TBX4: variants seen among roughly 807,000 people sequenced by gnomAD.
TBX4 encodes the protein T-box transcription factor TBX4.
In TBX4, 13 loss-of-function variants were observed where a neutral mutation model predicts 54.6. The observed-to-expected ratio is 0.24, with a 90% CI of 0.15 to 0.38. The LOEUF (loss-of-function observed/expected upper bound fraction) is 0.38. Among genes scored for constraint, TBX4 ranks in the 10% least tolerant of loss-of-function variants. TBX4 has a pLI of 1.00. For synonymous variants in TBX4, 314 were observed against 306.7 expected, an observed-to-expected ratio of 1.02 and a Z score of -0.25; for missense variants, 631 against 728.5, an observed-to-expected ratio of 0.87 and a Z score of 1.54.
Position 61,465,813 on chromosome 17 carries a change from C to T in TBX4, c.282-6C>T. Reference sequence around the variant, plus strand: ...CACGCTCCGCCTCACCCCTCGGCTCCCCCAGGAGGATGTTCCCCAGCTACA... The same window carrying T: ...CACGCTCCGCCTCACCCCTCGGCTCTCCCAGGAGGATGTTCCCCAGCTACA... On this transcript the variant is annotated splice_region_variant and splice_polypyrimidine_tract_variant and intron_variant, in intron 3 of 8. Coordinates refer to ENST00000644296, the MANE Select transcript of TBX4 (RefSeq NM_001321120.2). This position sits in a 1 kb window ranked among gnomAD's most constrained non-coding sequence, Gnocchi z 4.9. 1.2e-6 allele frequency: 2 copies of T among 1,613,992 alleles called. No individual in the cohort carries two copies. The highest frequency in any genetic ancestry group is 1.1e-5 in the South Asian group (1 of 91,082).
In TBX4 at chr17:61,461,792, T is replaced by A. The variant is rs915116820; in HGVS notation, c.282-4027T>A. On this transcript the variant is annotated intron_variant, in intron 3 of 8. Coordinates refer to ENST00000644296, the MANE Select transcript of TBX4 (RefSeq NM_001321120.2). This position sits in a 1 kb window ranked among gnomAD's most constrained non-coding sequence, Gnocchi z 5.1. ...CCACCTTTGAAACCGCTCTCTAGAC[T>A]TCTGACCCCTTCTGGCTGGTGTTCC... Among the ~76,000 whole-genome samples the A allele has an allele frequency of 6.6e-6, 1 of 152,080 alleles. No individual in the cohort carries two copies. Among genetic ancestry groups the A allele is most frequent in the Non-Finnish European group, 1.5e-5 (1 of 68,010 alleles).
rs1021455198 is a variant in TBX4, at chr17:61,475,795, C to T, written c.550-2832C>T. On this transcript the variant is annotated intron_variant, in intron 5 of 8. Transcript: ENST00000644296. The surrounding 1 kb of genome is among the most constrained non-coding windows in gnomAD (Gnocchi z 5.0). ...TGGCTCTGTCCTGGGTTCTCTCAGCCCACGGTCTTTGTTCTCCCTTTGCGC... is the reference window on the plus strand; with the variant it reads ...TGGCTCTGTCCTGGGTTCTCTCAGCTCACGGTCTTTGTTCTCCCTTTGCGC... Among the ~76,000 whole-genome samples the T allele has an allele frequency of 1.3e-5, 2 of 152,042 alleles. No individual in the cohort carries two copies. Among genetic ancestry groups the T allele is most frequent in the Non-Finnish European group, 1.5e-5 (1 of 68,012 alleles).
chr17:61,455,303 G>A (rs1222384879), intron 1 of TBX4, among the ~76,000 whole-genome samples: 1 of 152,248 alleles, frequency 6.6e-6, no homozygotes, highest in Non-Finnish European at 1.5e-5. Flanking sequence ...GGCCCGGGGA[G>A]AGCGGGAAGA....
chr17:61,482,771 G>A (rs567458138), intron 8 of TBX4, 126 bp from the exon 9 acceptor site: 2 of 1,393,378 alleles, frequency 1.4e-6, no homozygotes, highest in Non-Finnish European at 2.0e-6. Flanking sequence ...GGCTCTGGGA[G>A]TGCCATGGCA....
intron 5 of TBX4, among the ~76,000 whole-genome samples, chr17:61,469,545 G>A (rs1002222555): frequency 6.6e-6 from 1 of 152,220 alleles, no homozygotes; most frequent in African/African-American, 2.4e-5. Context: ...AGTACTTGCA[G>A]TTTATTGGCT....
rs1233193076 is a variant in TBX4 at position 61,479,419 on chromosome 17, G to A, written c.703-462G>A. On this transcript the variant is annotated intron_variant, in intron 6 of 8. Coordinates refer to ENST00000644296, the MANE Select transcript of TBX4 (RefSeq NM_001321120.2). The surrounding 1 kb of genome is among the most constrained non-coding windows in gnomAD (Gnocchi z 6.1). ...GCTGTGGTGGATTTTAGGCAGAAGA[G>A]TGACAGAGTCGGAACTGCATCTAGA... is the stretch of plus-strand genomic sequence containing the variant. Among the ~76,000 whole-genome samples the A allele has an allele frequency of 6.6e-6, 1 of 152,234 alleles. No homozygotes were observed. Among genetic ancestry groups the A allele is most frequent in the Non-Finnish European group, 1.5e-5 (1 of 68,044 alleles).
chr17:61,481,879 G>A lies in TBX4; in HGVS notation c.1022-1018G>A, dbSNP rs2060665635. 6.6e-6 allele frequency: 1 copy of A among 152,264 alleles called. No homozygotes were observed. Among genetic ancestry groups the A allele is most frequent in the South Asian group, 2.1e-4 (1 of 4,832 alleles). The allele number at this position is 152,264 out of a possible 1,614,324, so 9.4% of individuals were successfully genotyped here. A position where few individuals can be genotyped will look rare whatever the true frequency, so the allele number is the denominator to read the frequency against. On this transcript the variant is annotated intron_variant, in intron 8 of 8. Transcript: ENST00000644296. The surrounding 1 kb of genome is among the most constrained non-coding windows in gnomAD (Gnocchi z 4.8). ...CCTCCCGAATTCAAGTGATTCTCCT[G>A]CCTCAGCCTCCCCAGTAGCTGAGAT... is the stretch of plus-strand genomic sequence containing the variant.
At chr17:61,482,818 C>T (rs1352178120) in intron 8 of TBX4, 79 bp from the exon 9 acceptor site, 5 of 1,589,148 alleles carry the variant, frequency 3.1e-6, no homozygotes, top group African/African-American at 1.3e-5. Context: ...CAAGGACAGG[C>T]TGTCCCAGCA....
intron 1 of TBX4, among the ~76,000 whole-genome samples, chr17:61,454,693 G>T (rs2060434541): frequency 6.6e-6 from 1 of 152,246 alleles, no homozygotes. Context: ...GGCGTCAGTG[G>T]ACGCGGGCGG....
Position 61,482,990 on chromosome 17 carries a change from C to A in TBX4, c.1115C>A (p.Pro372His), listed in dbSNP as rs143267075. 3.7e-6 allele frequency: 6 copies of A among 1,614,106 alleles called. No homozygotes were observed. The highest frequency in any genetic ancestry group is 1.3e-5 in the African/African-American group (1 of 75,012). The change falls in exon 9 of 9, where the codon CCT becomes CAT. Residue 372 changes from proline to histidine, a missense_variant. Transcript: ENST00000644296. The part of the protein sequence containing the change: ...VGEDHYFRSP[P>H]PYDQQMLSPS... Reference sequence around the variant, plus strand: ...GAGGATCACTATTTCCGTTCCCCCCCTCCCTACGACCAGCAAATGCTGAGC... The same window carrying A: ...GAGGATCACTATTTCCGTTCCCCCCATCCCTACGACCAGCAAATGCTGAGC...
At position 61,457,131 on chromosome 17, in the gene TBX4, C is replaced by G. The variant is rs1412474018; in HGVS notation, c.187-406C>G. ...CAGTGATAATCGGACGATCACAGCG[C>G]ACGGGATGCCGCCTGGGGATCTGTG... On this transcript the variant is annotated intron_variant, in intron 2 of 8. Coordinates refer to ENST00000644296, the MANE Select transcript of TBX4 (RefSeq NM_001321120.2). This position sits in a 1 kb window ranked among gnomAD's most constrained non-coding sequence, Gnocchi z 8.2. 6.6e-6 allele frequency among the ~76,000 whole-genome samples: 1 copy of G among 152,178 alleles called. No homozygotes were observed. Among genetic ancestry groups the G allele is most frequent in the African/African-American group, 2.4e-5 (1 of 41,464 alleles).
rs574052641 is a variant in TBX4 at position 61,455,901 on chromosome 17, C to G, written c.-3-587C>G. Among the ~76,000 whole-genome samples the G allele has an allele frequency of 1.3e-3, 194 of 152,242 alleles. 1 individual carries two copies. The highest frequency in any genetic ancestry group is 4.6e-3 in the African/African-American group (190 of 41,546). On this transcript the variant is annotated intron_variant, in intron 1 of 8. Coordinates refer to ENST00000644296, the MANE Select transcript of TBX4 (RefSeq NM_001321120.2). ...GACGGGGAGTGTGTTGGAGTGAAAG[C>G]CTTTGGTTCAGGAAGTCTCTACCTC...
intron 4 of TBX4, 82 bp from the exon 5 acceptor site, chr17:61,467,428 G>C: frequency 6.4e-7 from 1 of 1,560,080 alleles, no homozygotes; most frequent in Non-Finnish European, 8.8e-7. Flanking sequence ...TGGTCAATGG[G>C]GGTTTGCTCC....
Position 61,462,665 on chromosome 17 carries a change from G to A in TBX4, c.282-3154G>A, listed in dbSNP as rs1314161495. On this transcript the variant is annotated intron_variant, in intron 3 of 8. Coordinates refer to ENST00000644296, the MANE Select transcript of TBX4 (RefSeq NM_001321120.2). The surrounding 1 kb of genome is among the most constrained non-coding windows in gnomAD (Gnocchi z 4.5). ...CGCCAGCGCTGGTGGCAGGGCCTGC[G>A]TGGACACAGGCGGCACACACAGTGT... Among the ~76,000 whole-genome samples, 2 of 152,204 alleles carry A rather than the reference G, an allele frequency of 1.3e-5. No homozygotes were observed. The highest frequency in any genetic ancestry group is 6.5e-5 in the Admixed American group (1 of 15,292).
Position 61,465,755 on chromosome 17 carries a change from C to T in TBX4, c.282-64C>T. On this transcript the variant is annotated intron_variant, in intron 3 of 8. Coordinates refer to ENST00000644296, the MANE Select transcript of TBX4 (RefSeq NM_001321120.2). This position sits in a 1 kb window ranked among gnomAD's most constrained non-coding sequence, Gnocchi z 4.9. ...GTTAGCGGCCTTCTGCCCCCTTGCT[C>T]ACTCTGTTCCATCTCTCCTGGTGCT... 3 of 1,608,728 alleles carry T rather than the reference C, an allele frequency of 1.9e-6. No individual in the cohort carries two copies. Among genetic ancestry groups the T allele is most frequent in the Non-Finnish European group, 2.5e-6 (3 of 1,176,744 alleles).
At chr17:61,471,547 T>TC (rs1416455265) in intron 5 of TBX4, among the ~76,000 whole-genome samples, 1 of 151,752 alleles carries the variant, frequency 6.6e-6, no homozygotes, top group African/African-American at 2.4e-5. Context: ...TTCAGCATTT[T>TC]TTTTTTTTTT....
Position 61,480,159 on chromosome 17 carries a change from A to G in TBX4, c.861A>G (p.Thr287=). 2 of 1,613,938 alleles carry G rather than the reference A, an allele frequency of 1.2e-6. No individual in the cohort carries two copies. The highest frequency in any genetic ancestry group is 1.7e-6 in the Non-Finnish European group (2 of 1,179,984). ...QRLISPQLSA[T]PDVGPLLGTH... is the part of the protein sequence containing the mutation. ...TCATCTCCCCCCAGCTCTCAGCCAC[A>G]CCGGACGTGGGCCCCCTGCTCGGCA... is the stretch of plus-strand genomic sequence containing the variant. The change falls in exon 8 of 9, where the codon ACA becomes ACG. Residue 287 remains threonine, a synonymous_variant. Coordinates refer to ENST00000644296, the MANE Select transcript of TBX4 (RefSeq NM_001321120.2). The surrounding 1 kb of genome is among the most constrained non-coding windows in gnomAD (Gnocchi z 6.2).
chr17:61,482,880 G>T lies in TBX4; in HGVS notation c.1022-17G>T. The stretch of plus-strand genomic sequence containing the variant: ...CTGGTGGAAATGGTTCTTCCTGAAT[G>T]TTACTTTGTCTTTCAGCAGACGGTA... On this transcript the variant is annotated splice_polypyrimidine_tract_variant and intron_variant, in intron 8 of 8. Coordinates refer to ENST00000644296, the MANE Select transcript of TBX4 (RefSeq NM_001321120.2). 11 of 1,612,548 alleles carry T rather than the reference G, an allele frequency of 6.8e-6. No individual in the cohort carries two copies. The highest frequency in any genetic ancestry group is 9.3e-6 in the Non-Finnish European group (11 of 1,179,758).
intron 1 of TBX4, chr17:61,452,936 GCAAGGC>G: frequency 1.0e-6 from 1 of 985,434 alleles, no homozygotes; most frequent in Non-Finnish European, 1.2e-6. Flanking sequence ...TGCAGAATAT[GCAAGGC>G]CAAGGAAGAG....
Sources: gnomAD v4.1 joint callset for allele counts (sites outside exome capture counted in the v4.1 genomes callset) on GRCh38, gnomAD v4.1.1 for gene constraint, Gnocchi (gnomAD v3.1) non-coding constraint, MANE v1.5 for transcripts, NCBI Gene and HGNC (gene_info 2026-07-23, HGNC 2026-07-21) for gene names.